The following SECISBP2L variants were observed in gnomAD, a reference collection of about 807,000 sequenced individuals.
The protein encoded by SECISBP2L is SECIS binding protein 2 like, also known as selenocysteine insertion sequence-binding protein 2-like.
In SECISBP2L, 43 loss-of-function variants were observed where a neutral mutation model predicts 114.7. The ratio of observed to expected loss-of-function variants is 0.38; its 90% CI spans 0.29 to 0.48. The LOEUF (loss-of-function observed/expected upper bound fraction) is 0.48. Ranked by LOEUF, SECISBP2L falls within the 20% of genes least tolerant of loss-of-function variation. The probability of loss-of-function intolerance (pLI) is 0.98; values close to 1 mark genes in which losing one functional copy is unlikely to be tolerated. For synonymous variants in SECISBP2L, 451 were observed against 439.7 expected (o/e 1.03, Z -0.32); for missense variants, 1,136 against 1,301.1 (o/e 0.87, Z 1.95).
chr15:49,029,899 C>CTTT (rs11426884), intron 4 of SECISBP2L, among the ~76,000 whole-genome samples: 146 of 142,332 alleles, frequency 1.0e-3, no homozygotes, highest in Non-Finnish European at 2.0e-3. Context: ...TGAGGCTGAT[C>CTTT]TTTTTTTTTT....
chr15:49,021,257 A>T (rs1902635524), intron 7 of SECISBP2L, among the ~76,000 whole-genome samples: 1 of 152,184 alleles, frequency 6.6e-6, no homozygotes, highest in African/African-American at 2.4e-5. Flanking sequence ...TCCAGAACTG[A>T]GAGAAATAAA....
intron 17 of SECISBP2L, among the ~76,000 whole-genome samples, chr15:48,995,552 G>GA (rs1238380936): frequency 8.6e-5 from 13 of 151,268 alleles, no homozygotes; most frequent in African/African-American, 3.1e-4. Context: ...CCAGAGAAAA[G>GA]AAAAAAAGAA....
intron 16 of SECISBP2L, among the ~76,000 whole-genome samples, chr15:48,997,927 C>T (rs991965982): frequency 6.6e-6 from 1 of 152,098 alleles, no homozygotes; most frequent in Non-Finnish European, 1.5e-5. Flanking sequence ...CTTCAATAAC[C>T]ATGATACCGA....
At position 48,990,036 on chromosome 15, in the gene SECISBP2L, C is replaced by T. The variant is rs1311046180; in HGVS notation, c.*2208G>A. The T allele has an allele frequency of 3.3e-5, 5 of 152,660 alleles. No homozygotes were observed. The highest frequency in any genetic ancestry group is 4.8e-5 in the African/African-American group (2 of 41,452). 9.5% of individuals were successfully genotyped at this position (152,660 alleles called of 1,614,324 possible). A position where few individuals can be genotyped will look rare whatever the true frequency, so the allele number is the denominator to read the frequency against. The stretch of plus-strand genomic sequence containing the variant: ...CTTGGATTTGCTGGCAGAAGAGGTA[C>T]TGCATATGCGAGAGCATTTACCGAA... On this transcript the variant is annotated 3_prime_UTR_variant, in exon 18 of 18. Coordinates refer to ENST00000559471, the MANE Select transcript of SECISBP2L (RefSeq NM_001193489.2).
Position 49,035,314 on chromosome 15 carries a change from A to T in SECISBP2L, c.528+20T>A. 1 of 1,598,248 alleles carries T rather than the reference A, an allele frequency of 6.3e-7. No homozygotes were observed. The highest frequency in any genetic ancestry group is 8.5e-7 in the Non-Finnish European group (1 of 1,172,228). On this transcript the variant is annotated intron_variant, in intron 3 of 17. Coordinates refer to ENST00000559471, the MANE Select transcript of SECISBP2L (RefSeq NM_001193489.2). ...ATAAGTAATATCAAATTTAAAAGCC[A>T]ATCAAGACCAGACACTTACTTTTGG... is the stretch of plus-strand genomic sequence containing the variant.
At chr15:49,022,576 T>C (rs573866683) in intron 7 of SECISBP2L, among the ~76,000 whole-genome samples, 2 of 152,230 alleles carry the variant, frequency 1.3e-5, no homozygotes, top group Admixed American at 6.5e-5. Flanking sequence ...TACTCCAGCC[T>C]GGGCAACAGA....
At chr15:49,017,131 A>G in intron 9 of SECISBP2L, 116 bp from the exon 10 acceptor site, 1 of 964,200 alleles carries the variant, frequency 1.0e-6, no homozygotes, top group Non-Finnish European at 1.5e-6. Flanking sequence ...TCTTCAAAGA[A>G]TTCAATGTCA....
intron 14 of SECISBP2L, among the ~76,000 whole-genome samples, chr15:49,008,149 T>C (rs2141066838): frequency 6.6e-6 from 1 of 152,320 alleles, no homozygotes; most frequent in Middle Eastern, 3.4e-3. Context: ...AGAATTGGTG[T>C]TTCTTATCTA....
At position 49,035,588 on chromosome 15, in the gene SECISBP2L, C is replaced by G; in HGVS notation, c.274G>C (p.Ala92Pro). The change falls in exon 3 of 18, where the codon GCC becomes CCC. Residue 92 changes from alanine (A) to proline (P), a missense_variant. By Grantham distance (27) the Ala-to-Pro change is conservative. This residue lies in a region of SECISBP2L where 452 missense variants were observed against 452.3 expected (regional missense o/e 1.00). Transcript: ENST00000559471. Reference protein sequence around the residue: ...PNPNPTGPYFAYPIISAQPPV... With the variant: ...PNPNPTGPYFPYPIISAQPPV... ...GGCTGAGCAGATATAATGGGATAGG[C>G]AAAGTATGGTCCAGTAGGGTTTGGA... is the stretch of plus-strand genomic sequence containing the variant. 6.2e-7 allele frequency: 1 copy of G among 1,614,162 alleles called. No individual in the cohort carries two copies. Among genetic ancestry groups the G allele is most frequent in the Non-Finnish European group, 8.5e-7 (1 of 1,180,020 alleles).
At position 48,999,920 on chromosome 15, in the gene SECISBP2L, A is replaced by G; in HGVS notation, c.2316T>C (p.Phe772=). ...MAREQEIPFV[F]ALGRKALGRC... ...GTCCTAGAGCTTTCCTTCCAAGGGCAAACACAAAAGGAATTTCTTGTTCCC... is the reference window on the plus strand; with the variant it reads ...GTCCTAGAGCTTTCCTTCCAAGGGCGAACACAAAAGGAATTTCTTGTTCCC... Residue 772 remains phenylalanine (F), a synonymous_variant, in exon 16 of 18, where the codon TTT becomes TTC. Coordinates refer to ENST00000559471, the MANE Select transcript of SECISBP2L (RefSeq NM_001193489.2). The G allele has an allele frequency of 6.2e-7, 1 of 1,614,078 alleles. No homozygotes were observed. The highest frequency in any genetic ancestry group is 8.5e-7 in the Non-Finnish European group (1 of 1,179,966).
chr15:49,024,274 G>C (rs1015497332), intron 7 of SECISBP2L, among the ~76,000 whole-genome samples: 2 of 152,056 alleles, frequency 1.3e-5, no homozygotes, highest in African/African-American at 4.8e-5. Context: ...GAGGTGGGTG[G>C]ATCACGAGGT....
intron 1 of SECISBP2L, 79 bp from the exon 2 acceptor site, chr15:49,037,848 G>A (rs1903045398): frequency 5.6e-6 from 7 of 1,243,266 alleles, no homozygotes; most frequent in Non-Finnish European, 6.7e-6. Flanking sequence ...CAACAGAAGA[G>A]TCAGTCCTTA....
At chr15:48,998,774 C>T (rs1902146821) in intron 16 of SECISBP2L, among the ~76,000 whole-genome samples, 1 of 152,122 alleles carries the variant, frequency 6.6e-6, no homozygotes, top group Admixed American at 6.5e-5. Flanking sequence ...TGGCCTCAAG[C>T]ACTCCTCCCA....
intron 12 of SECISBP2L, among the ~76,000 whole-genome samples, chr15:49,012,384 T>C (rs1340145472): frequency 6.6e-6 from 1 of 152,220 alleles, no homozygotes; most frequent in Non-Finnish European, 1.5e-5. Context: ...TCCTGGAGTC[T>C]TAATGTTTTG....
At chr15:49,003,496 AG>A (rs1411470934) in intron 14 of SECISBP2L, among the ~76,000 whole-genome samples, 1 of 152,186 alleles carries the variant, frequency 6.6e-6, no homozygotes, top group Non-Finnish European at 1.5e-5. Context: ...GCAGTGAGAG[AG>A]GGCATCCTTG....
chr15:49,016,413 CACACACACAAACACACATACATATATAT>C, intron 11 of SECISBP2L, 119 bp downstream of exon 11: 1 of 627,976 alleles, frequency 1.6e-6, no homozygotes, highest in Non-Finnish European at 2.4e-6. Context: ...ACTTAAAATA[CACACACACAAACACACATACATATATAT>C]ACACACACAC....
At chr15:49,005,560 CTTTTTTTTTTTTTT>C (rs752466722) in intron 14 of SECISBP2L, among the ~76,000 whole-genome samples, 19 of 36,746 alleles carry the variant, frequency 5.2e-4, no homozygotes, top group African/African-American at 2.3e-3. Context: ...GCAACCCCTG[CTTTTTTTTTTTTTT>C]TTTTTTTTTT....
chr15:49,036,543 T>G (rs1903011849), intron 2 of SECISBP2L, among the ~76,000 whole-genome samples: 1 of 152,256 alleles, frequency 6.6e-6, no homozygotes. Flanking sequence ...ACTGTATACT[T>G]GGCCATTTTT....
chr15:49,001,454 G>C lies in SECISBP2L; in HGVS notation c.2028-357C>G, dbSNP rs574807773. Among the ~76,000 whole-genome samples, 54 of 130,834 alleles carry C rather than the reference G, an allele frequency of 4.1e-4. No homozygotes were observed. In the East Asian group the frequency reaches 8.7e-3, roughly 21 times the overall value. The allele number at this position is 130,834 out of a possible 152,430, so 85.8% of individuals were successfully genotyped here. A position where few individuals can be genotyped will look rare whatever the true frequency, so the allele number is the denominator to read the frequency against. ...AAATATATTTGTTGTCTTCCACATC[G>C]TATTCTTTTTTTTTTTTTTCTTAAT... On this transcript the variant is annotated intron_variant, in intron 14 of 17. Transcript: ENST00000559471.
Sources: allele counts gnomAD v4.1 joint callset (sites outside exome capture counted in the v4.1 genomes callset), GRCh38; gene constraint gnomAD v4.1.1; regional missense constraint gnomAD v4.1.1; transcripts MANE v1.5; gene names NCBI Gene and HGNC (gene_info 2026-07-23, HGNC 2026-07-21).